The following TRAF5 variants were observed in gnomAD, a reference collection of about 807,000 sequenced individuals.
The protein encoded by TRAF5 is TNF receptor-associated factor 5.
TRAF5 carries 48 observed loss-of-function variants against 64.5 expected under a neutral mutation model. That is an observed-to-expected ratio of 0.74 (90% CI 0.59 to 0.95). The LOEUF (loss-of-function observed/expected upper bound fraction) is 0.95, where lower values mean the gene tolerates loss of function less well. Ranked by LOEUF, TRAF5 falls within the 40% of genes least tolerant of loss-of-function variation. The pLI is 0.00. For synonymous variants in TRAF5, 206 were observed against 240.5 expected, an observed-to-expected ratio of 0.86 and a Z score of 1.33; for missense variants, 545 against 662.8, an observed-to-expected ratio of 0.82 and a Z score of 1.95.
chr1:211,344,736 T>C (rs1702544664), intron 1 of TRAF5, among the ~76,000 whole-genome samples: 1 of 152,172 alleles, frequency 6.6e-6, no homozygotes, highest in African/African-American at 2.4e-5. Context: ...TAAAGTGCTT[T>C]CTCCTCCTTC....
In TRAF5 at chr1:211,330,135, C is replaced by G. The variant is rs369551706; in HGVS notation, c.-2+3246C>G. On this transcript the variant is annotated intron_variant, in intron 1 of 10. Coordinates refer to ENST00000261464, the MANE Select transcript of TRAF5 (RefSeq NM_001033910.3). ...ACCTGGAGGCAGGTGGTGGTGCATG[C>G]TTGGATCGTGCTGTAGCAAAAGCAG... Among the ~76,000 whole-genome samples the G allele has an allele frequency of 7.9e-5, 12 of 152,286 alleles. No homozygotes were observed. The South Asian group carries it at 2.1e-3, about 26-fold the overall frequency.
At chr1:211,353,168 AG>A in intron 1 of TRAF5, 70 bp from the exon 2 acceptor site, 1 of 1,419,650 alleles carries the variant, frequency 7.0e-7, no homozygotes. Flanking sequence ...AAATAACCAA[AG>A]CATCTGATGG....
chr1:211,335,509 G>A (rs746440974), intron 1 of TRAF5, among the ~76,000 whole-genome samples: 30 of 152,136 alleles, frequency 2.0e-4, no homozygotes, highest in Admixed American at 1.4e-3. Flanking sequence ...GACTATTATT[G>A]AACAGATAAT....
At chr1:211,338,664 G>T (rs916922776) in intron 1 of TRAF5, among the ~76,000 whole-genome samples, 3 of 152,040 alleles carry the variant, frequency 2.0e-5, no homozygotes, top group South Asian at 2.1e-4. Context: ...TCACTCTGTT[G>T]TCCAGGCTGG....
At chr1:211,354,585 A>G in intron 3 of TRAF5, 118 bp downstream of exon 3, 1 of 1,024,688 alleles carries the variant, frequency 9.8e-7, no homozygotes, top group Non-Finnish European at 1.5e-6. Flanking sequence ...TGGAGTCCAT[A>G]TTCTTCTGCT....
Position 211,374,919 on chromosome 1 carries a change from G to T in TRAF5, c.*2217G>T. 1 of 152,306 alleles carries T rather than the reference G, an allele frequency of 6.6e-6. No individual in the cohort carries two copies. The allele number at this position is 152,306 out of a possible 1,614,324, so 9.4% of individuals were successfully genotyped here. On this transcript the variant is annotated 3_prime_UTR_variant, in exon 11 of 11. Coordinates refer to ENST00000261464, the MANE Select transcript of TRAF5 (RefSeq NM_001033910.3). Reference sequence around the variant, plus strand: ...AGTGATCCCAGAACAAGGAATACTAGAGTAAAAAGCACCTCTTTTTCACAA... The same window carrying T: ...AGTGATCCCAGAACAAGGAATACTATAGTAAAAAGCACCTCTTTTTCACAA...
intron 4 of TRAF5, chr1:211,357,355 A>G (rs2102750425): frequency 6.6e-6 from 1 of 152,280 alleles, no homozygotes; most frequent in Admixed American, 6.5e-5. Flanking sequence ...CCAGGAATTT[A>G]TTTGGAGGTT....
At chr1:211,342,286 A>G (rs1228587675) in intron 1 of TRAF5, among the ~76,000 whole-genome samples, 1 of 152,160 alleles carries the variant, frequency 6.6e-6, no homozygotes, top group Non-Finnish European at 1.5e-5. Flanking sequence ...AACTACTGTT[A>G]TTATCACCAT....
intron 1 of TRAF5, 116 bp downstream of exon 1, chr1:211,327,005 G>A (rs1702032758): frequency 1.1e-6 from 1 of 886,726 alleles, no homozygotes; most frequent in Admixed American, 6.2e-5. Flanking sequence ...GCGCCTGCTG[G>A]CGTCCGGCCG....
At chr1:211,340,064 T>G (rs1702406287) in intron 1 of TRAF5, among the ~76,000 whole-genome samples, 1 of 152,136 alleles carries the variant, frequency 6.6e-6, no homozygotes, top group Non-Finnish European at 1.5e-5. Flanking sequence ...GGCATTTCTG[T>G]TCTGTAGCCC....
intron 1 of TRAF5, among the ~76,000 whole-genome samples, chr1:211,339,697 G>C (rs557901163): frequency 1.3e-5 from 2 of 152,336 alleles, no homozygotes; most frequent in African/African-American, 2.4e-5. Context: ...ATGCCTGCCT[G>C]TATGTGGGCA....
At chr1:211,349,596 G>A (rs1170630959) in intron 1 of TRAF5, among the ~76,000 whole-genome samples, 3 of 152,228 alleles carry the variant, frequency 2.0e-5, no homozygotes, top group South Asian at 2.1e-4. Context: ...TTCAATATAC[G>A]AATTTTGGGG....
chr1:211,340,007 A>T (rs886483853), intron 1 of TRAF5, among the ~76,000 whole-genome samples: 2 of 152,210 alleles, frequency 1.3e-5, no homozygotes, highest in Non-Finnish European at 2.9e-5. Context: ...GACCTTTGGT[A>T]GCTAAAAGTC....
In TRAF5 at chr1:211,361,194, A is replaced by G. The variant is rs750647287; in HGVS notation, c.696+32A>G. The G allele has an allele frequency of 1.4e-5, 22 of 1,587,508 alleles. No homozygotes were observed. The South Asian group carries it at 2.0e-4, about 14-fold the overall frequency. On this transcript the variant is annotated intron_variant, in intron 7 of 10. Coordinates refer to ENST00000261464, the MANE Select transcript of TRAF5 (RefSeq NM_001033910.3). Reference sequence around the variant, plus strand: ...AATGACTTTTTGTTTCTGCCTATACATTCTACTGTATAATTCACTTGGCAA... The same window carrying G: ...AATGACTTTTTGTTTCTGCCTATACGTTCTACTGTATAATTCACTTGGCAA...
chr1:211,367,858 C>A (rs987270580), intron 8 of TRAF5, among the ~76,000 whole-genome samples: 1 of 152,140 alleles, frequency 6.6e-6, no homozygotes, highest in Non-Finnish European at 1.5e-5. Context: ...CTGTGCCAGG[C>A]ACTGTCCTAG....
At chr1:211,348,765 T>C (rs969108385) in intron 1 of TRAF5, among the ~76,000 whole-genome samples, 6 of 152,174 alleles carry the variant, frequency 3.9e-5, no homozygotes, top group African/African-American at 1.2e-4. Flanking sequence ...TTTGGCCTTT[T>C]GCCAAGGGTC....
chr1:211,338,048 C>A (rs1702350102), intron 1 of TRAF5, among the ~76,000 whole-genome samples: 1 of 152,114 alleles, frequency 6.6e-6, no homozygotes, highest in Non-Finnish European at 1.5e-5. Flanking sequence ...GAGAGCAGGT[C>A]CAGCACCAGC....
chr1:211,336,518 A>G (rs1209783779), intron 1 of TRAF5, among the ~76,000 whole-genome samples: 2 of 152,232 alleles, frequency 1.3e-5, no homozygotes, highest in Non-Finnish European at 2.9e-5. Flanking sequence ...AGGACTTACA[A>G]ACAGGTGAAA....
At chr1:211,366,428 A>G (rs1703353162) in intron 8 of TRAF5, among the ~76,000 whole-genome samples, 1 of 152,214 alleles carries the variant, frequency 6.6e-6, no homozygotes, top group African/African-American at 2.4e-5. Flanking sequence ...GTTTGCTGCT[A>G]GGGACACTGA....
Sources: allele counts gnomAD v4.1 joint callset (sites outside exome capture counted in the v4.1 genomes callset), GRCh38; gene constraint gnomAD v4.1.1; transcripts MANE v1.5; gene names NCBI Gene and HGNC (gene_info 2026-07-23, HGNC 2026-07-21).